ATP9B: variants seen among roughly 807,000 people sequenced by gnomAD.
ATP9B encodes ATPase phospholipid transporting 9B, also known as probable phospholipid-transporting ATPase IIB.
Under a neutral mutation model 146.1 loss-of-function variants are expected in ATP9B, and 110 were observed. The ratio of observed to expected loss-of-function variants is 0.75; its 90% CI spans 0.65 to 0.88. ATP9B has a LOEUF of 0.88. Ranked by LOEUF, ATP9B falls within the 40% of genes least tolerant of loss-of-function variation. The probability of loss-of-function intolerance (pLI) is 0.00; values close to 1 mark genes in which losing one functional copy is unlikely to be tolerated. For missense variants in ATP9B, 1,499 were observed against 1,496.4 expected (o/e 1.00, Z -0.03); for synonymous variants, 604 against 569.7 (o/e 1.06, Z -0.86).
intron 11 of ATP9B, among the ~76,000 whole-genome samples, chr18:79,247,418 T>C (rs1328835781): frequency 6.6e-5 from 10 of 152,334 alleles, no homozygotes; most frequent in Non-Finnish European, 5.9e-5. Flanking sequence ...AGAGCCAGTA[T>C]TGACATTTCT....
intron 15 of ATP9B, among the ~76,000 whole-genome samples, chr18:79,320,066 C>T (rs773932306): frequency 2.2e-4 from 33 of 152,342 alleles, no homozygotes; most frequent in Middle Eastern, 3.4e-3. Context: ...GTGCCGAGAA[C>T]GTGCCCATTT....
chr18:79,225,855 G>A (rs1018756852), intron 11 of ATP9B, among the ~76,000 whole-genome samples: 1 of 112,652 alleles, frequency 8.9e-6, no homozygotes, highest in Non-Finnish European at 2.0e-5. Context: ...TCCCGCAGTC[G>A]CAGGGCGGCC....
At chr18:79,069,571 C>G (rs1568347058) in intron 1 of ATP9B, 42 bp downstream of exon 1, 1 of 1,239,518 alleles carries the variant, frequency 8.1e-7, no homozygotes, top group Non-Finnish European at 1.0e-6. Context: ...CCGACGCTCC[C>G]CGGGGCCCCC....
chr18:79,226,680 A>T lies in ATP9B; in HGVS notation c.1107+12642A>T, dbSNP rs73971583. Reference sequence around the variant, plus strand: ...GCTGCTCACCCGCAGTAGATGGGGGACAGCCTACACAAGAAGCCAGGAGGA... The same window carrying T: ...GCTGCTCACCCGCAGTAGATGGGGGTCAGCCTACACAAGAAGCCAGGAGGA... On this transcript the variant is annotated intron_variant, in intron 11 of 29. Coordinates refer to ENST00000426216, the MANE Select transcript of ATP9B (RefSeq NM_198531.5). Among the ~76,000 whole-genome samples, 780 of 152,274 alleles carry T rather than the reference A, an allele frequency of 5.1e-3. 12 individuals are homozygous for T. Among genetic ancestry groups the T allele is most frequent in the African/African-American group, 0.017 (709 of 41,556 alleles).
At chr18:79,372,492 T>C in intron 26 of ATP9B, 1 of 467,268 alleles carries the variant, frequency 2.1e-6, no homozygotes, top group South Asian at 1.7e-5. Context: ...AATGTTTTTA[T>C]TGCCAAGAGC....
At chr18:79,103,166 G>T (rs1189437151) in intron 2 of ATP9B, among the ~76,000 whole-genome samples, 1 of 152,026 alleles carries the variant, frequency 6.6e-6, no homozygotes, top group Non-Finnish European at 1.5e-5. Flanking sequence ...CCGTCACCTT[G>T]TTCTTTCCCA....
chr18:79,124,863 T>C (rs2094255093), intron 4 of ATP9B, among the ~76,000 whole-genome samples: 2 of 152,122 alleles, frequency 1.3e-5, no homozygotes, highest in African/African-American at 2.4e-5. Context: ...GTATTGCTTA[T>C]AGATGATGGC....
intron 14 of ATP9B, among the ~76,000 whole-genome samples, chr18:79,306,317 G>A (rs2096620194): frequency 6.6e-6 from 1 of 152,152 alleles, no homozygotes; most frequent in South Asian, 2.1e-4. Flanking sequence ...TTATTGCTTT[G>A]GTGGTGCCGA....
chr18:79,282,297 C>A (rs1324112145), intron 13 of ATP9B, among the ~76,000 whole-genome samples: 1 of 152,210 alleles, frequency 6.6e-6, no homozygotes, highest in Non-Finnish European at 1.5e-5. Context: ...GCATCGACTT[C>A]AGTTTCAAAT....
At chr18:79,371,097 G>A (rs1402444850) in intron 26 of ATP9B, among the ~76,000 whole-genome samples, 1 of 152,124 alleles carries the variant, frequency 6.6e-6, no homozygotes, top group Non-Finnish European at 1.5e-5. Flanking sequence ...TGCTTGGCTG[G>A]GTGCGGTGGC....
At chr18:79,133,824 G>A (rs980760213) in intron 5 of ATP9B, among the ~76,000 whole-genome samples, 5 of 152,104 alleles carry the variant, frequency 3.3e-5, no homozygotes, top group African/African-American at 4.8e-5. Context: ...TCTGCCCCCC[G>A]CAGCCTTTGA....
At chr18:79,320,283 T>C (rs1362042374) in intron 15 of ATP9B, among the ~76,000 whole-genome samples, 4 of 152,166 alleles carry the variant, frequency 2.6e-5, no homozygotes, top group African/African-American at 9.7e-5. Flanking sequence ...TGTTGGTCCC[T>C]AGAACGCAGC....
At chr18:79,320,927 G>T (rs1156375138) in intron 15 of ATP9B, among the ~76,000 whole-genome samples, 1 of 152,202 alleles carries the variant, frequency 6.6e-6, no homozygotes, top group African/African-American at 2.4e-5. Context: ...TGCGGGGAGG[G>T]AGCTTACATA....
chr18:79,324,285 G>A (rs1023810298), intron 15 of ATP9B, among the ~76,000 whole-genome samples: 12 of 151,858 alleles, frequency 7.9e-5, no homozygotes, highest in African/African-American at 2.7e-4. Context: ...TGTTTTCTTT[G>A]CTGTGCAGTG....
At chr18:79,071,399 C>CTTTTTTTTTTTTTTTTTTT (rs56119715) in intron 1 of ATP9B, among the ~76,000 whole-genome samples, 2,200 of 69,086 alleles carry the variant, frequency 0.032, 512 homozygotes, top group Non-Finnish European at 0.043. Context: ...ATTGTTCTTC[C>CTTTTTTTTTTTTTTTTTTT]TTTTTTTTTT....
At chr18:79,133,957 G>A (rs1423350960) in intron 5 of ATP9B, among the ~76,000 whole-genome samples, 1 of 152,220 alleles carries the variant, frequency 6.6e-6, no homozygotes, top group Non-Finnish European at 1.5e-5. Context: ...CCTCACTGCT[G>A]ATACTGCTCC....
intron 15 of ATP9B, among the ~76,000 whole-genome samples, chr18:79,311,170 G>T (rs537757695): frequency 4.6e-5 from 7 of 152,268 alleles, no homozygotes; most frequent in Non-Finnish European, 7.4e-5. Context: ...GAAAAGAAAT[G>T]CTGGGCTGGG....
At chr18:79,220,726 C>G (rs1352154230) in intron 11 of ATP9B, among the ~76,000 whole-genome samples, 1 of 152,202 alleles carries the variant, frequency 6.6e-6, no homozygotes, top group East Asian at 1.9e-4. Context: ...GGAGACAAGT[C>G]TTATATTCGG....
Position 79,337,329 on chromosome 18 carries a change from G to A in ATP9B, c.2163G>A (p.Val721=), listed in dbSNP as rs1257167908. 11 of 1,614,132 alleles carry A rather than the reference G, an allele frequency of 6.8e-6. No individual in the cohort carries two copies. The highest frequency in any genetic ancestry group is 9.3e-6 in the Non-Finnish European group (11 of 1,180,036). Residue 721 remains valine (V), a synonymous_variant, in exon 19 of 30, where the codon GTG becomes GTA. Coordinates refer to ENST00000426216, the MANE Select transcript of ATP9B (RefSeq NM_198531.5). ...GCATGCACGACAGGTCCCTCAAGGT[G>A]GCCGCGGTAGTCGAGAGCCTGGAGA... ...KLSMHDRSLK[V]AAVVESLERE... is the part of the protein sequence containing the mutation.
Sources: allele counts gnomAD v4.1 joint callset (sites outside exome capture counted in the v4.1 genomes callset), GRCh38; gene constraint gnomAD v4.1.1; transcripts MANE v1.5; gene names NCBI Gene and HGNC (gene_info 2026-07-23, HGNC 2026-07-21).